ARHGAP15: variants seen among roughly 807,000 people sequenced by gnomAD.
ARHGAP15 encodes the protein Rho GTPase activating protein 15, also known as rho GTPase-activating protein 15.
In ARHGAP15, 51 loss-of-function variants were observed where a neutral mutation model predicts 63.7. The observed-to-expected ratio is 0.80, with a 90% confidence interval of 0.64 to 1.01. The LOEUF (loss-of-function observed/expected upper bound fraction) is 1.01, where lower values mean the gene tolerates loss of function less well. Among genes scored for constraint, ARHGAP15 ranks in the 50% least tolerant of loss-of-function variants. The probability of loss-of-function intolerance (pLI) is 0.00; values close to 1 mark genes in which losing one functional copy is unlikely to be tolerated. For missense variants in ARHGAP15, 560 were observed against 564.6 expected (o/e 0.99, Z 0.08); for synonymous variants, 191 against 193.8 (o/e 0.99, Z 0.12).
chr2:143,238,244 C>A (rs1693729939), intron 5 of ARHGAP15: 1 of 152,116 alleles, frequency 6.6e-6, no homozygotes, highest in Admixed American at 6.5e-5. Context: ...TAACTATCAT[C>A]AGAGTGAACA....
chr2:143,581,737 A>C (rs990437491), intron 11 of ARHGAP15, among the ~76,000 whole-genome samples: 3 of 152,156 alleles, frequency 2.0e-5, no homozygotes, highest in Non-Finnish European at 2.9e-5. Context: ...TAGCTGTCTC[A>C]ACTCCGGAAA....
intron 2 of ARHGAP15, among the ~76,000 whole-genome samples, chr2:143,172,581 T>C (rs544721820): frequency 2.6e-5 from 4 of 152,036 alleles, no homozygotes; most frequent in Non-Finnish European, 5.9e-5. Flanking sequence ...ACATTGTCAA[T>C]ATAGAACTGA....
intron 6 of ARHGAP15, among the ~76,000 whole-genome samples, chr2:143,253,473 G>A (rs1367511967): frequency 6.6e-6 from 1 of 152,004 alleles, no homozygotes; most frequent in African/African-American, 2.4e-5. Flanking sequence ...CTATCAAACT[G>A]TTGACATGGA....
At chr2:143,236,666 T>C (rs1365714348) in intron 5 of ARHGAP15, 2 of 152,138 alleles carry the variant, frequency 1.3e-5, no homozygotes, top group Non-Finnish European at 2.9e-5. Flanking sequence ...GGAAGTGACA[T>C]TTGAGCACAT....
chr2:143,741,850 A>G (rs1414706539), intron 13 of ARHGAP15, among the ~76,000 whole-genome samples: 2 of 152,340 alleles, frequency 1.3e-5, no homozygotes, highest in Non-Finnish European at 2.9e-5. Flanking sequence ...AACCAGATAT[A>G]TGACATGAAG....
intron 11 of ARHGAP15, among the ~76,000 whole-genome samples, chr2:143,564,853 A>G (rs141354370): frequency 6.6e-6 from 1 of 152,340 alleles, no homozygotes; most frequent in African/African-American, 2.4e-5. Context: ...GAGTTCTGAA[A>G]TAAATGAAAA....
chr2:143,563,559 A>G (rs902617819), intron 11 of ARHGAP15, among the ~76,000 whole-genome samples: 1 of 152,142 alleles, frequency 6.6e-6, no homozygotes, highest in African/African-American at 2.4e-5. Flanking sequence ...AAGGGGAGCG[A>G]AGTCTACTGA....
intron 3 of ARHGAP15, among the ~76,000 whole-genome samples, chr2:143,206,877 A>G (rs186518976): frequency 1.2e-4 from 19 of 152,178 alleles, no homozygotes; most frequent in Admixed American, 1.0e-3. Flanking sequence ...TCGATGAAAC[A>G]TGGCAAAAGT....
chr2:143,613,622 A>ATTC (rs1265735644), intron 11 of ARHGAP15, among the ~76,000 whole-genome samples: 1 of 152,176 alleles, frequency 6.6e-6, no homozygotes, highest in East Asian at 1.9e-4. Flanking sequence ...ACTTCCCTGA[A>ATTC]CCTACAATAA....
chr2:143,623,786 G>A (rs1264897862), intron 11 of ARHGAP15, among the ~76,000 whole-genome samples: 2 of 152,224 alleles, frequency 1.3e-5, no homozygotes, highest in African/African-American at 4.8e-5. Context: ...GCAACTCTTA[G>A]CCCCTCGGCC....
intron 6 of ARHGAP15, among the ~76,000 whole-genome samples, chr2:143,402,471 G>A (rs1197513784): frequency 1.4e-5 from 2 of 147,736 alleles, no homozygotes; most frequent in Non-Finnish European, 3.0e-5. Context: ...TAGTGACAGA[G>A]AAAACAAAAG....
At chr2:143,654,577 G>A (rs534269435) in intron 12 of ARHGAP15, among the ~76,000 whole-genome samples, 3 of 152,242 alleles carry the variant, frequency 2.0e-5, no homozygotes, top group African/African-American at 7.2e-5. Flanking sequence ...CTTCCCTAAA[G>A]TATTTTCAGA....
chr2:143,376,007 A>G (rs981543785), intron 6 of ARHGAP15, among the ~76,000 whole-genome samples: 3 of 152,160 alleles, frequency 2.0e-5, no homozygotes, highest in Admixed American at 6.5e-5. Flanking sequence ...ACAAATACAC[A>G]CGCATGTGGC....
intron 6 of ARHGAP15, among the ~76,000 whole-genome samples, chr2:143,423,724 A>G (rs1689027421): frequency 6.6e-6 from 1 of 152,168 alleles, no homozygotes; most frequent in African/African-American, 2.4e-5. Flanking sequence ...AAGTGAAATC[A>G]AATAATAACA....
At chr2:143,623,468 T>C (rs1377486052) in intron 11 of ARHGAP15, among the ~76,000 whole-genome samples, 3 of 152,134 alleles carry the variant, frequency 2.0e-5, no homozygotes, top group African/African-American at 7.2e-5. Flanking sequence ...TTGCATAGCC[T>C]ACGTAGGCCA....
chr2:143,309,966 G>A (rs923134231), intron 6 of ARHGAP15, among the ~76,000 whole-genome samples: 6 of 151,704 alleles, frequency 4.0e-5, no homozygotes, highest in African/African-American at 1.2e-4. Context: ...TTGAATATGC[G>A]AGATCAATTA....
intron 11 of ARHGAP15, among the ~76,000 whole-genome samples, chr2:143,598,916 A>G (rs1697640460): frequency 6.6e-6 from 1 of 151,580 alleles, no homozygotes; most frequent in Admixed American, 6.6e-5. Context: ...CCTTATCTTA[A>G]AAAATAAGTT....
At chr2:143,546,944 A>C (rs1392898437) in intron 10 of ARHGAP15, among the ~76,000 whole-genome samples, 1 of 152,124 alleles carries the variant, frequency 6.6e-6, no homozygotes, top group Non-Finnish European at 1.5e-5. Context: ...AAGATGTAAG[A>C]TTTGTCAATG....
chr2:143,656,934 GGT>G (rs5834961), intron 12 of ARHGAP15, among the ~76,000 whole-genome samples: 22,040 of 144,858 alleles, frequency 0.15, 1,922 homozygotes, highest in Admixed American at 0.29. Flanking sequence ...CAAAGTTTCT[GGT>G]GTGTGTGTGT....
Sources: gnomAD v4.1 joint callset for allele counts (sites outside exome capture counted in the v4.1 genomes callset) on GRCh38, gnomAD v4.1.1 for gene constraint, MANE v1.5 for transcripts, NCBI Gene and HGNC (gene_info 2026-07-23, HGNC 2026-07-21) for gene names.